The following CCNJL variants were observed in gnomAD, a reference collection of about 807,000 sequenced individuals.
The protein encoded by CCNJL is cyclin-J-like protein.
Under a neutral mutation model 33.4 loss-of-function variants are expected in CCNJL, and 33 were observed. The observed-to-expected ratio is 0.99, with a 90% CI of 0.75 to 1.32. CCNJL has a LOEUF of 1.32. Ranked by LOEUF, CCNJL falls within the 40% of genes most tolerant of loss-of-function variation. The pLI, the probability that CCNJL is intolerant of heterozygous loss-of-function variation, is 0.00. For missense variants in CCNJL, 512 were observed against 499.7 expected (o/e 1.02, Z -0.23); for synonymous variants, 227 against 220.9 (o/e 1.03, Z -0.24).
chr5:160,322,622 C>T (rs1359505805), intron 1 of CCNJL, among the ~76,000 whole-genome samples: 1 of 152,132 alleles, frequency 6.6e-6, no homozygotes, highest in African/African-American at 2.4e-5. Flanking sequence ...TAAAAATGTC[C>T]CTCGGCTGGG....
intron 3 of CCNJL, among the ~76,000 whole-genome samples, chr5:160,273,757 C>T (rs1761917857): frequency 1.3e-5 from 2 of 151,126 alleles, no homozygotes. Flanking sequence ...AGCAATTCTC[C>T]TCCCTCAGCC....
intron 2 of CCNJL, among the ~76,000 whole-genome samples, chr5:160,286,563 G>A (rs1323999840): frequency 2.0e-5 from 3 of 152,082 alleles, no homozygotes; most frequent in East Asian, 1.9e-4. Context: ...ACTTGAACCC[G>A]GGAAGCAGAG....
intron 4 of CCNJL, chr5:160,258,272 T>C (rs1761157233): frequency 2.8e-6 from 2 of 719,928 alleles, no homozygotes; most frequent in East Asian, 2.5e-5. Context: ...AAGAAGGCTG[T>C]TGCAGCATCA....
At chr5:160,299,770 C>A (rs527363862) in intron 2 of CCNJL, among the ~76,000 whole-genome samples, 2 of 151,228 alleles carry the variant, frequency 1.3e-5, no homozygotes, top group African/African-American at 2.4e-5. Flanking sequence ...TAAATTTCCA[C>A]AATAAAAAGT....
intron 2 of CCNJL, among the ~76,000 whole-genome samples, chr5:160,283,004 T>C (rs1158360373): frequency 3.5e-5 from 2 of 57,660 alleles, no homozygotes; most frequent in Admixed American, 1.8e-4. Context: ...TATATATATA[T>C]ATATACATAT....
intron 1 of CCNJL, chr5:160,339,354 C>CA (rs1434212772): frequency 9.5e-5 from 26 of 272,592 alleles, no homozygotes; most frequent in African/African-American, 7.9e-4. Context: ...GAGCAACATG[C>CA]AAAACAAAAA....
chr5:160,280,472 C>T, intron 3 of CCNJL, 53 bp downstream of exon 3: 2 of 1,427,090 alleles, frequency 1.4e-6, no homozygotes, highest in Non-Finnish European at 2.0e-6. Flanking sequence ...GCCAGGCGCA[C>T]TGAGCGGGAG....
At chr5:160,294,356 G>A (rs1459923952) in intron 2 of CCNJL, among the ~76,000 whole-genome samples, 4 of 152,194 alleles carry the variant, frequency 2.6e-5, no homozygotes, top group African/African-American at 9.7e-5. Flanking sequence ...GTCCCCTCCT[G>A]CTGAAGTCCA....
chr5:160,338,568 A>G (rs1278219118), intron 1 of CCNJL, among the ~76,000 whole-genome samples: 1 of 152,180 alleles, frequency 6.6e-6, no homozygotes, highest in Non-Finnish European at 1.5e-5. Flanking sequence ...AAGAAAGAGA[A>G]GGATTGGGTT....
At chr5:160,325,723 A>AT (rs921293982) in intron 1 of CCNJL, among the ~76,000 whole-genome samples, 242 of 151,856 alleles carry the variant, frequency 1.6e-3, no homozygotes, top group African/African-American at 5.5e-3. Flanking sequence ...CAGAATTGGG[A>AT]TTTTTTTTTA....
At chr5:160,304,458 C>A (rs965939009) in intron 2 of CCNJL, among the ~76,000 whole-genome samples, 1 of 152,142 alleles carries the variant, frequency 6.6e-6, no homozygotes, top group Non-Finnish European at 1.5e-5. Context: ...ATTTTATGAA[C>A]CCCCACACCT....
chr5:160,280,864 T>C, intron 2 of CCNJL, 126 bp from the exon 3 acceptor site: 1 of 740,576 alleles, frequency 1.4e-6, no homozygotes, highest in South Asian at 1.5e-5. Flanking sequence ...CTTCTTAGTT[T>C]TCCTGCAAGT....
intron 2 of CCNJL, among the ~76,000 whole-genome samples, chr5:160,292,150 C>T (rs552392838): frequency 4.7e-4 from 72 of 152,266 alleles, no homozygotes; most frequent in African/African-American, 1.7e-3. Context: ...CACACACCAT[C>T]CTAGGGCAAG....
intron 1 of CCNJL, among the ~76,000 whole-genome samples, chr5:160,322,968 C>T (rs1763490173): frequency 1.3e-5 from 2 of 149,922 alleles, no homozygotes; most frequent in South Asian, 4.3e-4. Flanking sequence ...GGCGCGGTGG[C>T]TCACGACTGT....
intron 3 of CCNJL, among the ~76,000 whole-genome samples, chr5:160,265,404 G>A (rs369310379): frequency 1.3e-4 from 20 of 152,146 alleles, no homozygotes; most frequent in African/African-American, 4.8e-4. Context: ...TTGGGAGACC[G>A]AAGCAGGCGG....
chr5:160,320,838 TTTCTTTCTTTCC>T (rs796452795), intron 1 of CCNJL, among the ~76,000 whole-genome samples: 6,549 of 106,032 alleles, frequency 0.062, 187 homozygotes, highest in Middle Eastern at 0.11. Flanking sequence ...TCTTTCTTTC[TTTCTTTCTTTCC>T]TTCTTTCTTT....
intron 1 of CCNJL, among the ~76,000 whole-genome samples, chr5:160,332,958 A>T (rs955804679): frequency 7.2e-5 from 11 of 152,040 alleles, no homozygotes; most frequent in African/African-American, 2.7e-4. Flanking sequence ...ATAGAAGTGG[A>T]TCAGTGAATT....
chr5:160,332,471 C>T (rs1188770934), intron 1 of CCNJL, among the ~76,000 whole-genome samples: 1 of 152,220 alleles, frequency 6.6e-6, no homozygotes, highest in Non-Finnish European at 1.5e-5. Flanking sequence ...TCATCTCACT[C>T]AGAGTAAAGG....
At chr5:160,304,253 C>G (rs930769290) in intron 2 of CCNJL, among the ~76,000 whole-genome samples, 10 of 152,158 alleles carry the variant, frequency 6.6e-5, no homozygotes, top group African/African-American at 2.4e-4. Context: ...GTTTTGTCAC[C>G]AGATTCCTCG....
Sources: gnomAD v4.1 joint callset for allele counts (sites outside exome capture counted in the v4.1 genomes callset) on GRCh38, gnomAD v4.1.1 for gene constraint, MANE v1.5 for transcripts, NCBI Gene and HGNC (gene_info 2026-07-23, HGNC 2026-07-21) for gene names.